The following ZBBX variants were observed in gnomAD, a reference collection of about 807,000 sequenced individuals.
The protein encoded by ZBBX is zinc finger B-box domain containing.
ZBBX carries 101 observed loss-of-function variants against 108.5 expected under a neutral mutation model. That is an observed-to-expected ratio of 0.93 (90% CI 0.79 to 1.10). ZBBX has a LOEUF of 1.10. ZBBX is among the 50% of genes least tolerant of loss of function. The probability of loss-of-function intolerance (pLI) is 0.00; values close to 1 mark genes in which losing one functional copy is unlikely to be tolerated. For missense variants in ZBBX, 1,009 were observed against 941.4 expected (o/e 1.07, Z -0.94); for synonymous variants, 356 against 323.4 (o/e 1.10, Z -1.08).
the ZBBX span, among the ~76,000 whole-genome samples, chr3:167,180,954 A>T: frequency 1.3e-5 from 2 of 152,192 alleles, no homozygotes; most frequent in African/African-American, 4.8e-5. Context: ...AAGACTGGAG[A>T]ATTCCAGGGG....
chr3:167,254,422 CA>C (rs1191110859), intron 20 of ZBBX, among the ~76,000 whole-genome samples: 1 of 151,858 alleles, frequency 6.6e-6, no homozygotes, highest in Non-Finnish European at 1.5e-5. Context: ...AGAAAACTAC[CA>C]AAAAATGTCA....
At chr3:167,292,961 A>G (rs1222993900) in intron 18 of ZBBX, among the ~76,000 whole-genome samples, 3 of 152,250 alleles carry the variant, frequency 2.0e-5, no homozygotes, top group African/African-American at 7.2e-5. Flanking sequence ...AGAAATGGAT[A>G]AATTCCTGGA....
intron 6 of ZBBX, among the ~76,000 whole-genome samples, chr3:167,365,134 A>G (rs1745137283): frequency 6.6e-6 from 1 of 151,782 alleles, no homozygotes; most frequent in Non-Finnish European, 1.5e-5. Context: ...AAGATAGGGA[A>G]TGACACCAGA....
chr3:167,291,818 G>T (rs189881782), intron 18 of ZBBX, among the ~76,000 whole-genome samples: 2 of 152,116 alleles, frequency 1.3e-5, no homozygotes, highest in Non-Finnish European at 2.9e-5. Context: ...CCCATCTCAC[G>T]TGCAAAGACA....
intron 20 of ZBBX, among the ~76,000 whole-genome samples, chr3:167,258,209 A>G (rs1723865889): frequency 1.3e-5 from 2 of 152,142 alleles, no homozygotes; most frequent in African/African-American, 4.8e-5. Context: ...AATGTAAACT[A>G]GTACAGCCAC....
chr3:167,349,433 G>A (rs570004982), intron 9 of ZBBX, among the ~76,000 whole-genome samples: 1 of 152,032 alleles, frequency 6.6e-6, no homozygotes, highest in African/African-American at 2.4e-5. Flanking sequence ...CATCCTTTCT[G>A]CCCAGAAGCG....
chr3:167,192,448 T>C, the ZBBX span, among the ~76,000 whole-genome samples: 1 of 152,178 alleles, frequency 6.6e-6, no homozygotes, highest in African/African-American at 2.4e-5. Context: ...GAAAACATCA[T>C]TCTAATCCCT....
rs141156609 is a variant in ZBBX, at chr3:167,259,714, C to T, written c.2255-17071G>A. Among the ~76,000 whole-genome samples the T allele has an allele frequency of 2.4e-4, 37 of 152,110 alleles. 1 individual carries two copies. The highest frequency in any genetic ancestry group is 7.7e-4 in the East Asian group (4 of 5,164). ...GTTTGAAGAATTTTTAAATTTCTAC[C>T]TTGATTTCATTTTTAATCCAGTGCT... On this transcript the variant is annotated intron_variant, in intron 20 of 21. Coordinates refer to ENST00000675490, the MANE Select transcript of ZBBX (RefSeq NM_001199201.2).
chr3:167,350,194 G>T (rs982403727), intron 9 of ZBBX, among the ~76,000 whole-genome samples: 1 of 151,938 alleles, frequency 6.6e-6, no homozygotes, highest in Admixed American at 6.6e-5. Context: ...AAGACTCTAA[G>T]CTGTTTCTGC....
At chr3:167,312,796 T>A (rs1016703335) in intron 16 of ZBBX, among the ~76,000 whole-genome samples, 11 of 152,260 alleles carry the variant, frequency 7.2e-5, no homozygotes, top group African/African-American at 2.6e-4. Context: ...AATTTAGTGG[T>A]TTAGTATTTG....
intron 8 of ZBBX, among the ~76,000 whole-genome samples, chr3:167,355,274 T>C (rs1743357824): frequency 6.6e-6 from 1 of 152,042 alleles, no homozygotes; most frequent in Non-Finnish European, 1.5e-5. Flanking sequence ...CTGTTTATTG[T>C]CTTCCGTCTA....
At chr3:167,271,917 C>T (rs558308247) in intron 20 of ZBBX, among the ~76,000 whole-genome samples, 1 of 152,266 alleles carries the variant, frequency 6.6e-6, no homozygotes, top group South Asian at 2.1e-4. Flanking sequence ...AAATACAGTG[C>T]CTAGATTGGG....
intron 17 of ZBBX, among the ~76,000 whole-genome samples, chr3:167,299,862 C>G (rs542540952): frequency 6.6e-6 from 1 of 152,166 alleles, no homozygotes; most frequent in Non-Finnish European, 1.5e-5. Flanking sequence ...CCACTTTATT[C>G]AGAAGCAGGA....
chr3:167,335,845 A>G (rs1006276568), intron 9 of ZBBX, among the ~76,000 whole-genome samples: 2 of 151,956 alleles, frequency 1.3e-5, no homozygotes, highest in African/African-American at 4.8e-5. Context: ...AAATCTGTGG[A>G]ATCTGCTCCA....
chr3:167,262,763 A>G (rs1002562887), intron 20 of ZBBX, among the ~76,000 whole-genome samples: 1 of 152,188 alleles, frequency 6.6e-6, no homozygotes, highest in African/African-American at 2.4e-5. Flanking sequence ...TAATTGCCAT[A>G]GTAGCCACTA....
At chr3:167,407,350 A>G (rs1748616881) in intron 1 of ZBBX, among the ~76,000 whole-genome samples, 1 of 152,158 alleles carries the variant, frequency 6.6e-6, no homozygotes, top group South Asian at 2.1e-4. Context: ...CCATACCTCT[A>G]TGCCTTTTCC....
the ZBBX span, among the ~76,000 whole-genome samples, chr3:167,195,573 A>G: frequency 1.2e-4 from 19 of 152,052 alleles, no homozygotes; most frequent in South Asian, 1.7e-3. Flanking sequence ...AAACGAAACC[A>G]TTTTTCTTCC....
intron 6 of ZBBX, among the ~76,000 whole-genome samples, chr3:167,364,646 G>GA (rs1745054834): frequency 6.6e-6 from 1 of 151,866 alleles, no homozygotes; most frequent in Non-Finnish European, 1.5e-5. Context: ...AATGAGATAA[G>GA]AAAGGAAAAG....
intron 18 of ZBBX, among the ~76,000 whole-genome samples, chr3:167,291,566 G>C (rs1730696431): frequency 6.6e-6 from 1 of 152,090 alleles, no homozygotes; most frequent in Non-Finnish European, 1.5e-5. Flanking sequence ...CACTAAATAT[G>C]GAAAGGAACA....
Sources: allele counts gnomAD v4.1 joint callset (sites outside exome capture counted in the v4.1 genomes callset), GRCh38; gene constraint gnomAD v4.1.1; transcripts MANE v1.5; gene names NCBI Gene and HGNC (gene_info 2026-07-23, HGNC 2026-07-21).